Variants in LRRC27 observed in about 807,000 individuals in gnomAD.
The protein encoded by LRRC27 is leucine-rich repeat-containing protein 27.
In LRRC27, 57 loss-of-function variants were observed where a neutral mutation model predicts 55.0. That is an observed-to-expected ratio of 1.04 (90% CI 0.84 to 1.29). The LOEUF (loss-of-function observed/expected upper bound fraction) is 1.29, where lower values mean the gene tolerates loss of function less well. Among genes scored for constraint, LRRC27 ranks in the 50% most tolerant of loss-of-function variants. The probability of loss-of-function intolerance (pLI) is 0.00; values close to 1 mark genes in which losing one functional copy is unlikely to be tolerated. For missense variants in LRRC27, 721 were observed against 651.5 expected, an observed-to-expected ratio of 1.11 and a Z score of -1.16; for synonymous variants, 278 against 251.9, an observed-to-expected ratio of 1.10 and a Z score of -0.98.
At chr10:132,360,785 GTTC>G (rs1055870224) in intron 8 of LRRC27, among the ~76,000 whole-genome samples, 1 of 152,212 alleles carries the variant, frequency 6.6e-6, no homozygotes, top group African/African-American at 2.4e-5. Context: ...CTGGTTGGAA[GTTC>G]TTCTCTCCCA....
In LRRC27 at chr10:132,348,053, A is replaced by AC; in HGVS notation, c.624dup (p.Ala209ArgfsTer3). 6.2e-7 allele frequency: 1 copy of AC among 1,613,914 alleles called. No individual in the cohort carries two copies. The highest frequency in any genetic ancestry group is 8.5e-7 in the Non-Finnish European group (1 of 1,180,024). On this transcript the variant is annotated frameshift_variant, in exon 6 of 11. Transcript: ENST00000368614. LOFTEE classifies it high-confidence loss of function. The surrounding 1 kb of genome is among the most constrained non-coding windows in gnomAD (Gnocchi z 4.2). ...CCAGGACTGGAGTTGTCTGGAGACC[A>AC]CGCGTCTAACCAAGGAGCTGTGAAC...
intron 9 of LRRC27, among the ~76,000 whole-genome samples, chr10:132,363,436 A>G (rs552018057): frequency 6.6e-6 from 1 of 152,246 alleles, no homozygotes; most frequent in African/African-American, 2.4e-5. Flanking sequence ...CCAGGCTGAC[A>G]CGGAGCCTCA....
At chr10:132,351,850 A>G (rs988212730) in intron 7 of LRRC27, 97 bp downstream of exon 7, 2 of 1,367,960 alleles carry the variant, frequency 1.5e-6, no homozygotes, top group Non-Finnish European at 2.0e-6. Flanking sequence ...GGAAGTGTTT[A>G]GTTAGTTCTC....
At chr10:132,361,308 A>G in intron 8 of LRRC27, 149 bp from the exon 9 acceptor site, 1 of 715,976 alleles carries the variant, frequency 1.4e-6, no homozygotes, top group Non-Finnish European at 2.5e-6. Context: ...TGGGGGGATG[A>G]CTGCGTTGCA....
chr10:132,353,795 G>A (rs563638022), intron 7 of LRRC27, among the ~76,000 whole-genome samples: 6 of 152,164 alleles, frequency 3.9e-5, no homozygotes, highest in Admixed American at 1.3e-4. Context: ...CTACAGAGCC[G>A]GGCCCGTCAC....
rs369156861 is a variant in LRRC27, at chr10:132,348,212, G to A, written c.782G>A (p.Arg261His). The A allele has an allele frequency of 5.4e-5, 87 of 1,613,942 alleles. No homozygotes were observed. The highest frequency in any genetic ancestry group is 6.9e-5 in the Non-Finnish European group (82 of 1,180,040). Residue 261 changes from arginine to histidine, a missense_variant, in exon 6 of 11, where the codon CGC (arginine) becomes CAC (histidine). Transcript: ENST00000368614. The surrounding 1 kb of genome is among the most constrained non-coding windows in gnomAD (Gnocchi z 4.2). ...ENWPSEEEIR[R>H]FWKLRQEIVE... ...TGGCCCAGCGAGGAGGAGATCAGGC[G>A]CTTTTGGAAGCTGAGGCAGGAGATT...
At chr10:132,366,826 G>A (rs990741183) in intron 10 of LRRC27, 49 of 1,259,590 alleles carry the variant, frequency 3.9e-5, no homozygotes, top group Admixed American at 1.2e-4. Context: ...CACCATTTCC[G>A]CTGTTTCCCT....
chr10:132,377,388 T>C lies in LRRC27; in HGVS notation c.*2146T>C, dbSNP rs1306274469. On this transcript the variant is annotated 3_prime_UTR_variant, in exon 11 of 11. Transcript: ENST00000368614. Reference sequence around the variant, plus strand: ...AGAGTTTTAGTAATATCTTTTAATATTATTCTCTTGGGTGTTGCCTTAGAG... The same window carrying C: ...AGAGTTTTAGTAATATCTTTTAATACTATTCTCTTGGGTGTTGCCTTAGAG... The C allele has an allele frequency of 6.6e-6, 1 of 152,208 alleles. No homozygotes were observed. The highest frequency in any genetic ancestry group is 1.5e-5 in the Non-Finnish European group (1 of 68,026). 9.4% of individuals were successfully genotyped at this position (152,208 alleles called of 1,614,324 possible).
At chr10:132,357,033 T>C (rs1454195553) in intron 8 of LRRC27, among the ~76,000 whole-genome samples, 1 of 152,244 alleles carries the variant, frequency 6.6e-6, no homozygotes, top group Admixed American at 6.5e-5. Flanking sequence ...GCTTGGACAG[T>C]TCAGGAGTGT....
chr10:132,364,228 GGGA>G (rs1432504620), intron 9 of LRRC27, among the ~76,000 whole-genome samples: 1 of 151,894 alleles, frequency 6.6e-6, no homozygotes, highest in Non-Finnish European at 1.5e-5. Context: ...CCCTGCTGCT[GGGA>G]GTAAGAGGGT....
At chr10:132,349,025 G>A (rs1194869837) in intron 6 of LRRC27, 3 of 1,609,860 alleles carry the variant, frequency 1.9e-6, no homozygotes, top group Non-Finnish European at 2.5e-6. Flanking sequence ...CGAATCATGG[G>A]CGTGGTAGGG....
intron 5 of LRRC27, 61 bp downstream of exon 5, chr10:132,344,711 C>A: frequency 6.4e-7 from 1 of 1,572,024 alleles, no homozygotes; most frequent in South Asian, 1.1e-5. Context: ...TTTTTAAAAT[C>A]AGGGCAGAAC....
chr10:132,337,357 C>T, intron 2 of LRRC27: 3 of 1,353,636 alleles, frequency 2.2e-6, no homozygotes, highest in Non-Finnish European at 2.8e-6. Context: ...GCTCCAAAGG[C>T]CGCCGGAAGG....
chr10:132,353,538 A>G (rs1254391458), intron 7 of LRRC27: 1 of 606,306 alleles, frequency 1.6e-6, no homozygotes, highest in Non-Finnish European at 2.1e-6. Context: ...AAAAAGATGA[A>G]TGAGGTGAAG....
chr10:132,349,035 G>A (rs1346714326), intron 6 of LRRC27: 3 of 1,609,260 alleles, frequency 1.9e-6, no homozygotes, highest in Admixed American at 1.7e-5. Context: ...GCGTGGTAGG[G>A]CGTGCGCCTA....
At chr10:132,334,371 A>G (rs1195129755) in intron 2 of LRRC27, among the ~76,000 whole-genome samples, 1 of 152,202 alleles carries the variant, frequency 6.6e-6, no homozygotes, top group Non-Finnish European at 1.5e-5. Flanking sequence ...GTGAAAGTTC[A>G]GTGTCTGGAA....
At chr10:132,371,425 G>A (rs768982288) in intron 10 of LRRC27, among the ~76,000 whole-genome samples, 4 of 152,330 alleles carry the variant, frequency 2.6e-5, no homozygotes, top group Middle Eastern at 3.4e-3. Context: ...GCCAACAGAC[G>A]TGGCCCTTCC....
At chr10:132,352,430 C>T (rs2068085346) in intron 7 of LRRC27, among the ~76,000 whole-genome samples, 1 of 103,820 alleles carries the variant, frequency 9.6e-6, no homozygotes, top group Admixed American at 9.0e-5. Flanking sequence ...CCGTGTGGGG[C>T]AGGCGCAGGT....
intron 7 of LRRC27, chr10:132,353,199 T>G (rs2068150057): frequency 7.2e-7 from 1 of 1,382,132 alleles, no homozygotes; most frequent in East Asian, 2.8e-5. Flanking sequence ...GGCCTCGTCT[T>G]TACTTTCCCG....
Sources: allele counts gnomAD v4.1 joint callset (sites outside exome capture counted in the v4.1 genomes callset), GRCh38; gene constraint gnomAD v4.1.1; non-coding constraint Gnocchi (gnomAD v3.1); transcripts MANE v1.5; gene names NCBI Gene and HGNC (gene_info 2026-07-23, HGNC 2026-07-21).